FLT4: variants seen among roughly 807,000 people sequenced by gnomAD.
FLT4 encodes the protein fms related receptor tyrosine kinase 4, also known as vascular endothelial growth factor receptor 3.
A neutral mutation model predicts 163.2 loss-of-function variants in FLT4; 30 were observed. That is an observed-to-expected ratio of 0.18 (90% confidence interval 0.14 to 0.25). The LOEUF (loss-of-function observed/expected upper bound fraction) is 0.25, where lower values mean the gene tolerates loss of function less well. Ranked by LOEUF, FLT4 falls within the 10% of genes least tolerant of loss-of-function variation. The probability of loss-of-function intolerance (pLI) is 1.00; values close to 1 mark genes in which losing one functional copy is unlikely to be tolerated. For missense variants in FLT4, 1,510 were observed against 1,863.8 expected, an observed-to-expected ratio of 0.81 and a Z score of 3.50; for synonymous variants, 884 against 789.5, an observed-to-expected ratio of 1.12 and a Z score of -2.01.
chr5:180,626,454 G>A (rs763767891), intron 8 of FLT4, among the ~76,000 whole-genome samples, 189 bp from the exon 9 acceptor site: 34 of 152,180 alleles, frequency 2.2e-4, no homozygotes, highest in Non-Finnish European at 4.0e-4. Context: ...GTATCTGCCA[G>A]GTGTGACAAC....
In FLT4 at chr5:180,649,227, C is replaced by G. The variant is rs1387298484; in HGVS notation, c.58+261G>C. Reference sequence around the variant, plus strand: ...GGAGCCACCGACGGAGACGCGGATTCAGGGGCCGGGAGAGCTACCCCTGCG... The same window carrying G: ...GGAGCCACCGACGGAGACGCGGATTGAGGGGCCGGGAGAGCTACCCCTGCG... On this transcript the variant is annotated intron_variant, in intron 1 of 29. Coordinates refer to ENST00000261937, the MANE Select transcript of FLT4 (RefSeq NM_182925.5). Among the ~76,000 whole-genome samples the G allele has an allele frequency of 1.8e-4, 28 of 151,858 alleles. 1 individual carries two copies.
At chr5:180,618,683 G>C (rs1762863304) in intron 21 of FLT4, 87 bp downstream of exon 21, 4 of 801,144 alleles carry the variant, frequency 5.0e-6, no homozygotes, top group Non-Finnish European at 7.4e-6. Flanking sequence ...GAAAGCCCCC[G>C]CTGAGGACCC....
rs140751774 is a variant in FLT4, at chr5:180,613,079, A to G, written c.3363T>C (p.Asn1121=). ...GASPYPGVQI[N]EEFCQRLRDG... ...CTCTCAGCCGCTGGCAGAACTCCTC[A>G]TTGATCTGCACCCCAGGGTACGGGG... Residue 1121 remains asparagine (N), a synonymous_variant, in exon 25 of 30, where the codon AAT becomes AAC. Transcript: ENST00000261937. 2.1e-4 allele frequency: 331 copies of G among 1,613,508 alleles called. 2 individuals carry two copies. The African/African-American group carries it at 3.8e-3, about 18-fold the overall frequency.
At position 180,620,960 on chromosome 5, in the gene FLT4, G is replaced by C. The variant is rs1396050542; in HGVS notation, c.2215C>G (p.Arg739Gly). Residue 739 changes from arginine to glycine, a missense_variant, in exon 15 of 30, where the codon CGC (arginine) becomes GGC (glycine). Physicochemically the swap from Arg to Gly is moderately radical, Grantham distance 125. Around this residue, in one of 5 missense-constraint regions of FLT4, gnomAD observed 878 missense variants for 1,016.7 expected, o/e 0.86. Transcript: ENST00000261937. This position sits in a 1 kb window ranked among gnomAD's most constrained non-coding sequence, Gnocchi z 4.4. The stretch of plus-strand genomic sequence containing the variant: ...AGATAGCGTCCCGCATCCTCCTCGC[G>C]CACGCGCTGGATGCTCAGCTTCTGG... Reference protein sequence around the residue: ...SNQKLSIQRVREEDAGRYLCS... With the variant: ...SNQKLSIQRVGEEDAGRYLCS... 1 of 1,610,448 alleles carries C rather than the reference G, an allele frequency of 6.2e-7. No individual in the cohort carries two copies. The highest frequency in any genetic ancestry group is 8.5e-7 in the Non-Finnish European group (1 of 1,178,654).
intron 27 of FLT4, among the ~76,000 whole-genome samples, chr5:180,610,751 A>G (rs1762109864): frequency 6.6e-6 from 1 of 150,680 alleles, no homozygotes; most frequent in Non-Finnish European, 1.5e-5. Context: ...AGTCCACTCC[A>G]CCTCTCCGGG....
In FLT4 at chr5:180,613,113, G is replaced by A; in HGVS notation, c.3332-3C>T. On this transcript the variant is annotated splice_polypyrimidine_tract_variant and splice_region_variant and intron_variant, in intron 24 of 29. Coordinates refer to ENST00000261937, the MANE Select transcript of FLT4 (RefSeq NM_182925.5). ...CACCCCAGGGTACGGGGAGGCCCCTGACAACAGGAAGGGGAGGTGGGTGGG... is the reference window on the plus strand; with the variant it reads ...CACCCCAGGGTACGGGGAGGCCCCTAACAACAGGAAGGGGAGGTGGGTGGG... 2 of 1,609,938 alleles carry A rather than the reference G, an allele frequency of 1.2e-6. No homozygotes were observed. Among genetic ancestry groups the A allele is most frequent in the South Asian group, 1.1e-5 (1 of 90,948 alleles).
chr5:180,648,366 C>T (rs1765581199), intron 1 of FLT4, among the ~76,000 whole-genome samples: 1 of 152,192 alleles, frequency 6.6e-6, no homozygotes, highest in African/African-American at 2.4e-5. Flanking sequence ...TTACTTTGGG[C>T]CTCCTGGGGA....
intron 1 of FLT4, among the ~76,000 whole-genome samples, chr5:180,640,613 A>G (rs1055347095): frequency 1.3e-5 from 2 of 152,226 alleles, no homozygotes; most frequent in South Asian, 4.1e-4. Context: ...CTTTAAGCTA[A>G]TGATGCCGTT....
At chr5:180,627,602 TAGGAAGGGTGGGCACCAC>T (rs978598255) in intron 8 of FLT4, among the ~76,000 whole-genome samples, 1 of 151,966 alleles carries the variant, frequency 6.6e-6, no homozygotes. Context: ...GCTGGTGCCA[TAGGAAGGGTGGGCACCAC>T]AGGAAGGGTG....
chr5:180,612,749 G>A (rs558912519), intron 25 of FLT4, 138 bp from the exon 26 acceptor site: 8 of 718,998 alleles, frequency 1.1e-5, no homozygotes, highest in East Asian at 5.4e-5. Flanking sequence ...AGCTACCCTC[G>A]TTCCTCCTTC....
In FLT4 at chr5:180,622,824, C is replaced by G. The variant is rs1290264176; in HGVS notation, c.1564G>C (p.Val522Leu). 4 of 1,612,998 alleles carry G rather than the reference C, an allele frequency of 2.5e-6. No homozygotes were observed. The highest frequency in any genetic ancestry group is 2.5e-6 in the Non-Finnish European group (3 of 1,179,356). Residue 522 changes from valine (V) to leucine (L), a missense_variant, in exon 12 of 30, where the codon GTG becomes CTG. Physicochemically the swap from Val to Leu is conservative, Grantham distance 32. This residue lies in a region of FLT4 where 878 missense variants were observed against 1,016.7 expected (regional missense o/e 0.86). Coordinates refer to ENST00000261937, the MANE Select transcript of FLT4 (RefSeq NM_182925.5). ...EGKNKTVSKLVIQNANVSAMY... is the reference protein window; with the variant it reads ...EGKNKTVSKLLIQNANVSAMY... ...GCAGACACGTTGGCATTCTGGATCACCAGCTTGCTCACAGTCTGGGAGAGC... is the reference window on the plus strand; with the variant it reads ...GCAGACACGTTGGCATTCTGGATCAGCAGCTTGCTCACAGTCTGGGAGAGC...
At chr5:180,648,036 C>A (rs548198769) in intron 1 of FLT4, among the ~76,000 whole-genome samples, 1 of 152,302 alleles carries the variant, frequency 6.6e-6, no homozygotes, top group East Asian at 1.9e-4. Flanking sequence ...TCCAGCTACT[C>A]AGCCCAGCTC....
chr5:180,645,379 G>A (rs960948216), intron 1 of FLT4, among the ~76,000 whole-genome samples: 132 of 152,342 alleles, frequency 8.7e-4, no homozygotes, highest in Non-Finnish European at 1.4e-3. Flanking sequence ...CCCGGCTTCC[G>A]TGGGGTCAAG....
intron 13 of FLT4, 29 bp downstream of exon 13, chr5:180,621,513 G>C (rs767321801): frequency 1.9e-6 from 3 of 1,608,552 alleles, no homozygotes; most frequent in Admixed American, 3.3e-5. Flanking sequence ...AAGAGAGCGC[G>C]TCCCCGCCCT....
chr5:180,642,726 C>T (rs10479477), intron 1 of FLT4, among the ~76,000 whole-genome samples: 6,025 of 152,252 alleles, frequency 0.04, 170 homozygotes, highest in South Asian at 0.12. Flanking sequence ...ACTGTGCACC[C>T]GCCAGAGGAG....
At chr5:180,643,273 G>A (rs1460317952) in intron 1 of FLT4, among the ~76,000 whole-genome samples, 2 of 152,228 alleles carry the variant, frequency 1.3e-5, no homozygotes, top group African/African-American at 4.8e-5. Flanking sequence ...GAGCTGAAAT[G>A]GGCTTTGCAG....
In FLT4 at chr5:180,630,084, C is replaced by T. The variant is rs1281233668; in HGVS notation, c.535G>A (p.Asp179Asn). The T allele has an allele frequency of 4.3e-6, 7 of 1,612,454 alleles. No homozygotes were observed. Among genetic ancestry groups the T allele is most frequent in the East Asian group, 2.2e-5 (1 of 44,866 alleles). The change falls in exon 5 of 30, where the codon GAC becomes AAC. Residue 179 changes from aspartate to asparagine, a missense_variant. Asp to Asn is a conservative substitution (Grantham distance 23, BLOSUM62 1). Around this residue, in one of 5 missense-constraint regions of FLT4, gnomAD observed 163 missense variants for 281.1 expected, o/e 0.58. Transcript: ENST00000261937. The surrounding 1 kb of genome is among the most constrained non-coding windows in gnomAD (Gnocchi z 6.3). The part of the protein sequence containing the change: ...LRSQSSVLWP[D>N]GQEVVWDDRR... The stretch of plus-strand genomic sequence containing the variant: ...TCATCCCACACCACCTCCTGCCCGT[C>T]TGGCCACAGCACCGAGCTTTGCTGG...
At chr5:180,609,185 C>A in intron 28 of FLT4, 132 bp from the exon 29 acceptor site, 1 of 753,514 alleles carries the variant, frequency 1.3e-6, no homozygotes, top group Non-Finnish European at 2.4e-6. Context: ...GGAAGCTGAG[C>A]CAGAAACAAG....
chr5:180,615,083 A>G (rs927774287), intron 23 of FLT4, among the ~76,000 whole-genome samples: 1 of 152,156 alleles, frequency 6.6e-6, no homozygotes, highest in Non-Finnish European at 1.5e-5. Flanking sequence ...GACCCACCGC[A>G]CGGAGCAAGG....
Sources: gnomAD v4.1 joint callset for allele counts (sites outside exome capture counted in the v4.1 genomes callset) on GRCh38, gnomAD v4.1.1 for gene constraint, gnomAD v4.1.1 regional missense constraint, Gnocchi (gnomAD v3.1) non-coding constraint, MANE v1.5 for transcripts, NCBI Gene and HGNC (gene_info 2026-07-23, HGNC 2026-07-21) for gene names.